VAV3: variants seen among roughly 807,000 people sequenced by gnomAD.
VAV3 encodes guanine nucleotide exchange factor VAV3.
In VAV3, 94 loss-of-function variants were observed where a neutral mutation model predicts 131.2. The ratio of observed to expected loss-of-function variants is 0.72; its 90% CI spans 0.61 to 0.85. The LOEUF (loss-of-function observed/expected upper bound fraction) is 0.85. VAV3 is among the 40% of genes least tolerant of loss of function. The pLI is 0.00. For missense variants in VAV3, 939 were observed against 1,002.7 expected (o/e 0.94, Z 0.86); for synonymous variants, 349 against 342.0 (o/e 1.02, Z -0.22).
chr1:107,832,631 T>A (rs1420280968), intron 2 of VAV3, among the ~76,000 whole-genome samples: 1 of 152,226 alleles, frequency 6.6e-6, no homozygotes, highest in Non-Finnish European at 1.5e-5. Flanking sequence ...CTGTCTAATA[T>A]CCAGGATGTA....
At chr1:107,857,956 G>A (rs1374836136) in intron 2 of VAV3, among the ~76,000 whole-genome samples, 4 of 152,170 alleles carry the variant, frequency 2.6e-5, no homozygotes, top group Non-Finnish European at 4.4e-5. Context: ...CCCAACTTTG[G>A]TGCAGATTTT....
At chr1:107,943,606 G>A (rs1674104203) in intron 1 of VAV3, among the ~76,000 whole-genome samples, 1 of 152,180 alleles carries the variant, frequency 6.6e-6, no homozygotes, top group Non-Finnish European at 1.5e-5. Flanking sequence ...GCTGGGCATG[G>A]TGGCACACAC....
intron 1 of VAV3, among the ~76,000 whole-genome samples, chr1:107,898,860 A>G (rs1293747582): frequency 6.6e-6 from 1 of 152,198 alleles, no homozygotes; most frequent in Non-Finnish European, 1.5e-5. Context: ...AAAACAAAGT[A>G]TTTTAAGTAA....
At chr1:107,958,666 T>C (rs931242257) in intron 1 of VAV3, among the ~76,000 whole-genome samples, 2 of 152,158 alleles carry the variant, frequency 1.3e-5, no homozygotes, top group Non-Finnish European at 2.9e-5. Flanking sequence ...CTGGGATACA[T>C]GTGAAGCAAG....
intron 20 of VAV3, among the ~76,000 whole-genome samples, chr1:107,623,182 T>G (rs561305620): frequency 1.3e-5 from 2 of 152,340 alleles, no homozygotes; most frequent in Admixed American, 1.3e-4. Flanking sequence ...TTTCTAGCTC[T>G]GCTATAAAAA....
intron 10 of VAV3, 129 bp from the exon 11 acceptor site, chr1:107,757,458 G>A (rs1664174933): frequency 1.9e-5 from 15 of 789,976 alleles, no homozygotes; most frequent in South Asian, 9.7e-5. Context: ...TAATATGTCT[G>A]GGCTCCATTT....
At chr1:107,691,060 G>C (rs570018647) in intron 17 of VAV3, among the ~76,000 whole-genome samples, 5 of 152,260 alleles carry the variant, frequency 3.3e-5, no homozygotes, top group South Asian at 2.1e-4. Flanking sequence ...GAAATTCTTA[G>C]CCAGGCTCCT....
chr1:107,624,979 T>G (rs1653902043), intron 20 of VAV3, among the ~76,000 whole-genome samples: 1 of 152,134 alleles, frequency 6.6e-6, no homozygotes, highest in Non-Finnish European at 1.5e-5. Context: ...GAGGTGATAA[T>G]TTGATAGGAT....
At chr1:107,827,253 A>G (rs764496706) in intron 2 of VAV3, among the ~76,000 whole-genome samples, 1 of 152,208 alleles carries the variant, frequency 6.6e-6, no homozygotes, top group Non-Finnish European at 1.5e-5. Flanking sequence ...TGGAAAGGAC[A>G]GCACTATTTG....
At chr1:107,768,895 T>G (rs1369682086) in intron 6 of VAV3, among the ~76,000 whole-genome samples, 1 of 152,184 alleles carries the variant, frequency 6.6e-6, no homozygotes, top group Admixed American at 6.5e-5. Flanking sequence ...AGATCAATAA[T>G]CTATGTATGC....
At chr1:107,792,373 C>T (rs866427085) in intron 2 of VAV3, among the ~76,000 whole-genome samples, 10 of 152,268 alleles carry the variant, frequency 6.6e-5, no homozygotes, top group African/African-American at 1.4e-4. Context: ...CAGCTCAAAT[C>T]GGTGGCACAC....
intron 17 of VAV3, among the ~76,000 whole-genome samples, chr1:107,695,951 G>T (rs1659716323): frequency 6.6e-6 from 1 of 152,096 alleles, no homozygotes; most frequent in Non-Finnish European, 1.5e-5. Context: ...TTCTCCATTT[G>T]ACTATCCCTT....
At chr1:107,821,023 C>T (rs1407080757) in intron 2 of VAV3, 1 of 152,118 alleles carries the variant, frequency 6.6e-6, no homozygotes, top group Non-Finnish European at 1.5e-5. Flanking sequence ...GTACCTCTGA[C>T]TCATGAAGCT....
intron 18 of VAV3, among the ~76,000 whole-genome samples, chr1:107,684,269 C>CA: frequency 6.6e-6 from 1 of 152,356 alleles, no homozygotes; most frequent in Non-Finnish European, 1.5e-5. Context: ...ACAGTAATCT[C>CA]ACTAATTAAG....
chr1:107,908,402 C>A (rs749679668), intron 1 of VAV3, among the ~76,000 whole-genome samples: 36 of 152,122 alleles, frequency 2.4e-4, no homozygotes, highest in Non-Finnish European at 4.0e-4. Flanking sequence ...TCGGTTATTA[C>A]CAATCTTCCT....
chr1:107,948,379 T>C (rs1674371991), intron 1 of VAV3, among the ~76,000 whole-genome samples: 1 of 152,166 alleles, frequency 6.6e-6, no homozygotes, highest in South Asian at 2.1e-4. Context: ...GGGTCATTAG[T>C]GTTCTGTAAT....
intron 1 of VAV3, among the ~76,000 whole-genome samples, chr1:107,886,345 T>C (rs979100633): frequency 4.9e-4 from 74 of 152,030 alleles, no homozygotes; most frequent in African/African-American, 1.8e-3. Context: ...AGCTAACAAG[T>C]ATAGAGTCAA....
chr1:107,765,271 T>C, intron 8 of VAV3, 96 bp from the exon 9 acceptor site: 1 of 952,020 alleles, frequency 1.1e-6, no homozygotes. Context: ...AAAACCATTG[T>C]TAGGGATAAC....
At chr1:107,736,694 G>A (rs867135896) in intron 15 of VAV3, among the ~76,000 whole-genome samples, 2,371 of 148,654 alleles carry the variant, frequency 0.016, 69 homozygotes, top group African/African-American at 0.055. Flanking sequence ...ACTGCTCAAC[G>A]AAATAAAAGA....
Sources: gnomAD v4.1 joint callset for allele counts (sites outside exome capture counted in the v4.1 genomes callset) on GRCh38, gnomAD v4.1.1 for gene constraint, MANE v1.5 for transcripts, NCBI Gene and HGNC (gene_info 2026-07-23, HGNC 2026-07-21) for gene names.